SCAF4: variants seen among roughly 807,000 people sequenced by gnomAD.
The protein encoded by SCAF4 is SR-related and CTD-associated factor 4.
Under a neutral mutation model 129.8 loss-of-function variants are expected in SCAF4, and 25 were observed. The ratio of observed to expected loss-of-function variants is 0.19; its 90% CI spans 0.14 to 0.27. The LOEUF is 0.27. SCAF4 is among the 10% of genes least tolerant of loss of function. SCAF4 has a pLI of 1.00. For synonymous variants in SCAF4, 551 were observed against 497.7 expected (o/e 1.11, Z -1.43); for missense variants, 1,246 against 1,457.1 (o/e 0.86, Z 2.36).
rs747076602 is a variant in SCAF4 at position 31,672,337 on chromosome 21, G to C, written c.2506C>G (p.Pro836Ala). The C allele has an allele frequency of 6.2e-7, 1 of 1,613,336 alleles. No individual in the cohort carries two copies. ...GCCTGAAGTCCAATTACAGGACCAGGGGCAACTCCTTGAGTGCCTAAAAGA... is the reference window on the plus strand; with the variant it reads ...GCCTGAAGTCCAATTACAGGACCAGCGGCAACTCCTTGAGTGCCTAAAAGA... ...VSLLGTQGVAPGPVIGLQAPS... is the reference protein window; with the variant it reads ...VSLLGTQGVAAGPVIGLQAPS... The change falls in exon 20 of 20, where the codon CCT (proline) becomes GCT (alanine). Residue 836 changes from proline (P) to alanine (A), a missense_variant. By Grantham distance (27) the Pro-to-Ala change is conservative (BLOSUM62 -1). Around this residue, in one of 6 missense-constraint regions of SCAF4, gnomAD observed 468 missense variants for 605.5 expected, o/e 0.77. Transcript: ENST00000286835.
chr21:31,709,157 C>T (rs2050738461), intron 1 of SCAF4, among the ~76,000 whole-genome samples: 1 of 152,026 alleles, frequency 6.6e-6, no homozygotes, highest in African/African-American at 2.4e-5. Flanking sequence ...AGACTGAGGC[C>T]CACTGGGCAC....
chr21:31,731,240 TCCC>T (rs1215235775), intron 1 of SCAF4, among the ~76,000 whole-genome samples: 1 of 151,820 alleles, frequency 6.6e-6, no homozygotes, highest in African/African-American at 2.4e-5. Context: ...ATGCTCCCGC[TCCC>T]CCGCCCCCAA....
chr21:31,706,161 G>A (rs2050657773), intron 2 of SCAF4, 113 bp downstream of exon 2: 1 of 707,864 alleles, frequency 1.4e-6, no homozygotes, highest in African/African-American at 1.8e-5. Context: ...GGCTGGTTAG[G>A]GCTCTTTGAT....
At chr21:31,728,844 T>C (rs529602899) in intron 1 of SCAF4, among the ~76,000 whole-genome samples, 2 of 152,300 alleles carry the variant, frequency 1.3e-5, no homozygotes, top group South Asian at 2.1e-4. Context: ...AATTAACCTG[T>C]TCAAAAATCA....
intron 1 of SCAF4, among the ~76,000 whole-genome samples, chr21:31,707,367 A>AAAAGG (rs2050692847): frequency 6.6e-6 from 1 of 152,192 alleles, no homozygotes; most frequent in African/African-American, 2.4e-5. Context: ...AAACACAAAC[A>AAAAGG]AAAGGGGAAA....
At chr21:31,705,317 T>C (rs1361469503) in intron 3 of SCAF4, 106 bp downstream of exon 3, 2 of 561,402 alleles carry the variant, frequency 3.6e-6, no homozygotes, top group Non-Finnish European at 6.2e-6. Context: ...CTCTAGTGAC[T>C]AAATTTTTAT....
rs201194775 is a variant in SCAF4 at position 31,731,708 on chromosome 21, G to A, written c.-16C>T. The A allele has an allele frequency of 2.6e-5, 41 of 1,578,524 alleles. 1 individual carries two copies. The South Asian group carries it at 3.5e-4, about 14-fold the overall frequency. ...CGGCGTCCATGTTCGCGCTGCGGCG[G>A]CGGCTGCTCCGGGCCCGCCGGTCAC... On this transcript the variant is annotated 5_prime_UTR_variant, in exon 1 of 20. Coordinates refer to ENST00000286835, the MANE Select transcript of SCAF4 (RefSeq NM_020706.2).
Position 31,732,079 on chromosome 21 carries a change from T to A in SCAF4, c.-387A>T. 4.9e-6 allele frequency: 2 copies of A among 409,878 alleles called. No homozygotes were observed. The highest frequency in any genetic ancestry group is 8.5e-6 in the Non-Finnish European group (2 of 234,138). The allele number at this position is 409,878 out of a possible 1,614,324, so 25.4% of individuals were successfully genotyped here. A position where few individuals can be genotyped will look rare whatever the true frequency, so the allele number is the denominator to read the frequency against. On this transcript the variant is annotated 5_prime_UTR_variant, in exon 1 of 20. Transcript: ENST00000286835. ...CTCTCTCTCCCTCTCTCCAGCGGGA[T>A]GGCGGCAGCGGCCCGAGTCCACGCC...
At position 31,696,235 on chromosome 21, in the gene SCAF4, G is replaced by C. The variant is rs751126241; in HGVS notation, c.960-14C>G. On this transcript the variant is annotated splice_polypyrimidine_tract_variant and intron_variant, in intron 8 of 19. Coordinates refer to ENST00000286835, the MANE Select transcript of SCAF4 (RefSeq NM_020706.2). ...CCAGGAAAGCCACTAAAAAAAGGTG[G>C]ATAATCTTTTACCCATTCAAAAGCA... is the stretch of plus-strand genomic sequence containing the variant. 3.8e-6 allele frequency: 6 copies of C among 1,597,846 alleles called. No homozygotes were observed. Among genetic ancestry groups the C allele is most frequent in the Non-Finnish European group, 5.1e-6 (6 of 1,165,594 alleles).
At chr21:31,720,980 C>A (rs1016638928) in intron 1 of SCAF4, among the ~76,000 whole-genome samples, 2 of 152,200 alleles carry the variant, frequency 1.3e-5, no homozygotes, top group Admixed American at 6.5e-5. Flanking sequence ...GTGTATTTTA[C>A]AACAGCTTTG....
At chr21:31,673,140 G>A (rs1444114546) in intron 19 of SCAF4, among the ~76,000 whole-genome samples, 1 of 152,068 alleles carries the variant, frequency 6.6e-6, no homozygotes. Flanking sequence ...TGACTTCTTG[G>A]TTTTATTTTC....
intron 1 of SCAF4, among the ~76,000 whole-genome samples, chr21:31,715,452 T>C (rs979983520): frequency 2.6e-5 from 4 of 152,278 alleles, no homozygotes; most frequent in South Asian, 2.1e-4. Flanking sequence ...ATGAACATCT[T>C]TGGAGAAGGG....
chr21:31,710,503 G>A (rs1166550124), intron 1 of SCAF4, among the ~76,000 whole-genome samples: 1 of 152,076 alleles, frequency 6.6e-6, no homozygotes, highest in Non-Finnish European at 1.5e-5. Context: ...GAGCCGAGAT[G>A]GTGCCACTAC....
chr21:31,684,776 G>A (rs980567623), intron 19 of SCAF4: 2 of 447,604 alleles, frequency 4.5e-6, no homozygotes, highest in Non-Finnish European at 8.1e-6. Flanking sequence ...TACCAAATAA[G>A]GATGTGAAGA....
In SCAF4 at chr21:31,694,187, C is replaced by A; in HGVS notation, c.1322+17G>T. The stretch of plus-strand genomic sequence containing the variant: ...CTAAGATATACAGGGTTGGAAAAAA[C>A]ATTTTCTATAAATTACCTGGATGCT... On this transcript the variant is annotated intron_variant, in intron 11 of 19. Coordinates refer to ENST00000286835, the MANE Select transcript of SCAF4 (RefSeq NM_020706.2). 6.6e-7 allele frequency: 1 copy of A among 1,520,594 alleles called. No homozygotes were observed. Among genetic ancestry groups the A allele is most frequent in the Non-Finnish European group, 9.1e-7 (1 of 1,100,066 alleles). The allele number at this position is 1,520,594 out of a possible 1,614,324, so 94.2% of individuals were successfully genotyped here.
At chr21:31,719,566 G>T (rs1474985885) in intron 1 of SCAF4, among the ~76,000 whole-genome samples, 1 of 152,018 alleles carries the variant, frequency 6.6e-6, no homozygotes, top group South Asian at 2.1e-4. Context: ...ATGCAATGGT[G>T]TGATCTCAGC....
chr21:31,701,428 T>TTG (rs1656647982), intron 6 of SCAF4, among the ~76,000 whole-genome samples: 1 of 152,170 alleles, frequency 6.6e-6, no homozygotes, highest in South Asian at 2.1e-4. Context: ...ATACACTGAA[T>TTG]TGTGAACAAA....
chr21:31,690,881 A>C lies in SCAF4; in HGVS notation c.1801T>G (p.Tyr601Asp). The C allele has an allele frequency of 6.2e-7, 1 of 1,613,720 alleles. No individual in the cohort carries two copies. Among genetic ancestry groups the C allele is most frequent in the Non-Finnish European group, 8.5e-7 (1 of 1,179,640 alleles). The change falls in exon 15 of 20, where the codon TAT becomes GAT. Residue 601 changes from tyrosine to aspartate, a missense_variant. Around this residue, in one of 6 missense-constraint regions of SCAF4, gnomAD observed 468 missense variants for 605.5 expected, o/e 0.77. Transcript: ENST00000286835. ...QYWDVELGVT[Y>D]IPWDKVKPEE... ...GGCTTGACTTTGTCCCATGGAATAT[A>C]AGTAACACCAAGTTCTACATCCCAA...
At chr21:31,704,344 A>T (rs1429487949) in intron 3 of SCAF4, among the ~76,000 whole-genome samples, 2 of 152,158 alleles carry the variant, frequency 1.3e-5, no homozygotes, top group Non-Finnish European at 2.9e-5. Flanking sequence ...TACAGTACCA[A>T]ATAAAAATTA....
Sources: gnomAD v4.1 joint callset for allele counts (sites outside exome capture counted in the v4.1 genomes callset) on GRCh38, gnomAD v4.1.1 for gene constraint, gnomAD v4.1.1 regional missense constraint, MANE v1.5 for transcripts, NCBI Gene and HGNC (gene_info 2026-07-23, HGNC 2026-07-21) for gene names.